The following DDX52 variants were observed in gnomAD, a reference collection of about 807,000 sequenced individuals.
DDX52 encodes the protein probable ATP-dependent RNA helicase DDX52.
DDX52 carries 59 observed loss-of-function variants against 76.1 expected under a neutral mutation model. The observed-to-expected ratio is 0.78, with a 90% confidence interval of 0.63 to 0.96. The LOEUF is 0.96. Among genes scored for constraint, DDX52 ranks in the 40% least tolerant of loss-of-function variants. The pLI is 0.00. For missense variants in DDX52, 707 were observed against 703.9 expected, an observed-to-expected ratio of 1.00 and a Z score of -0.05; for synonymous variants, 231 against 244.1, an observed-to-expected ratio of 0.95 and a Z score of 0.50.
chr17:37,634,670 A>C (rs1413110247), intron 2 of DDX52, among the ~76,000 whole-genome samples: 1 of 152,156 alleles, frequency 6.6e-6, no homozygotes, highest in Non-Finnish European at 1.5e-5. Flanking sequence ...CAATACTTTG[A>C]ACTACTCAGT....
intron 2 of DDX52, among the ~76,000 whole-genome samples, chr17:37,641,086 A>G (rs2031171992): frequency 6.6e-6 from 1 of 152,178 alleles, no homozygotes; most frequent in Non-Finnish European, 1.5e-5. Context: ...TGTCCAGTAA[A>G]GCATACAAAA....
At chr17:37,617,649 AAAG>A (rs1219675591) in intron 14 of DDX52, among the ~76,000 whole-genome samples, 5 of 152,256 alleles carry the variant, frequency 3.3e-5, no homozygotes, top group African/African-American at 1.2e-4. Flanking sequence ...ATGGAGCTTC[AAAG>A]AAGACTAGAT....
intron 14 of DDX52, 21 bp downstream of exon 14, chr17:37,618,271 T>C: frequency 6.4e-7 from 1 of 1,572,292 alleles, no homozygotes; most frequent in Non-Finnish European, 8.6e-7. Flanking sequence ...CAAACAGCCA[T>C]TTTTCTTACC....
At chr17:37,620,629 C>T (rs2030032363) in intron 12 of DDX52, 1 of 378,210 alleles carries the variant, frequency 2.6e-6, no homozygotes, top group Admixed American at 4.6e-5. Flanking sequence ...TGAAAGAGTC[C>T]TGAGTCTGAA....
In DDX52 at chr17:37,637,353, A is replaced by C. The variant is rs62073468; in HGVS notation, c.287-3935T>G. 4.7e-3 allele frequency among the ~76,000 whole-genome samples: 696 copies of C among 149,172 alleles called. 4 individuals carry two copies. The highest frequency in any genetic ancestry group is 5.2e-3 in the Non-Finnish European group (348 of 67,090). ...ACCATGTTGGCCAGGCTGGTTTCGA[A>C]CTCCTAACCTCAGGTGATCCACCCA... On this transcript the variant is annotated intron_variant, in intron 2 of 14. Coordinates refer to ENST00000617633, the MANE Select transcript of DDX52 (RefSeq NM_007010.5).
chr17:37,624,220 C>G lies in DDX52; in HGVS notation c.1227+124G>C, dbSNP rs1402179195. 1.4e-5 allele frequency: 8 copies of G among 587,786 alleles called. No individual in the cohort carries two copies. The East Asian group carries it at 2.3e-4, about 17-fold the overall frequency. The allele number at this position is 587,786 out of a possible 1,614,324, so 36.4% of individuals were successfully genotyped here. A position where few individuals can be genotyped will look rare whatever the true frequency, so the allele number is the denominator to read the frequency against. ...CACAATGTACTTTCTTATCAATTTA[C>G]CAATGGATTACTGAATACGAGCCAA... On this transcript the variant is annotated intron_variant, in intron 9 of 14. Coordinates refer to ENST00000617633, the MANE Select transcript of DDX52 (RefSeq NM_007010.5).
chr17:37,641,724 A>C (rs977132279), intron 2 of DDX52, among the ~76,000 whole-genome samples: 1 of 152,082 alleles, frequency 6.6e-6, no homozygotes, highest in Admixed American at 6.5e-5. Flanking sequence ...AGACAGAGTG[A>C]GACTCTGTCT....
chr17:37,638,765 T>C (rs554335964), intron 2 of DDX52, among the ~76,000 whole-genome samples: 2 of 122,466 alleles, frequency 1.6e-5, no homozygotes, highest in African/African-American at 3.5e-5. Flanking sequence ...GAAGTTGTTT[T>C]TTTTCTTTTT....
At chr17:37,638,801 G>GT (rs2031050960) in intron 2 of DDX52, among the ~76,000 whole-genome samples, 1 of 126,840 alleles carries the variant, frequency 7.9e-6, no homozygotes. Flanking sequence ...ACAGAGTCTT[G>GT]CTCTGTCACC....
intron 14 of DDX52, among the ~76,000 whole-genome samples, chr17:37,617,226 T>C (rs765234139): frequency 2.6e-5 from 4 of 152,224 alleles, no homozygotes; most frequent in East Asian, 1.9e-4. Flanking sequence ...ATGACTTCTA[T>C]AGAACAGATG....
intron 9 of DDX52, among the ~76,000 whole-genome samples, chr17:37,623,381 C>T (rs780841912): frequency 3.3e-5 from 5 of 152,034 alleles, no homozygotes; most frequent in Non-Finnish European, 5.9e-5. Flanking sequence ...GCCAAGATGA[C>T]GCCACCGCAC....
Position 37,610,435 on chromosome 17 carries a change from TTTTTTC to T in DDX52, c.*3855_*3860del, listed in dbSNP as rs1438587080. 17 of 152,188 alleles carry T rather than the reference TTTTTTC, an allele frequency of 1.1e-4. No individual in the cohort carries two copies. The East Asian group carries it at 3.3e-3, about 29-fold the overall frequency. The allele number at this position is 152,188 out of a possible 1,614,324, so 9.4% of individuals were successfully genotyped here. ...GCCACATGCCTGGGCTGTGATTTTT[TTTTTTC>T]TTTTAATCAAACTACTGTCTGGAAG... On this transcript the variant is annotated 3_prime_UTR_variant, in exon 15 of 15. Coordinates refer to ENST00000617633, the MANE Select transcript of DDX52 (RefSeq NM_007010.5).
intron 5 of DDX52, among the ~76,000 whole-genome samples, chr17:37,629,823 A>C (rs1260045827): frequency 6.6e-6 from 1 of 152,230 alleles, no homozygotes; most frequent in Non-Finnish European, 1.5e-5. Flanking sequence ...TGTAAATATT[A>C]AAATCACTGT....
chr17:37,616,335 G>A (rs988034967), intron 14 of DDX52, among the ~76,000 whole-genome samples: 2 of 152,092 alleles, frequency 1.3e-5, no homozygotes, highest in Non-Finnish European at 2.9e-5. Context: ...AGAAACTGTT[G>A]CGACAGAAAA....
intron 2 of DDX52, among the ~76,000 whole-genome samples, chr17:37,634,990 G>A (rs1236118528): frequency 2.0e-5 from 3 of 151,670 alleles, no homozygotes; most frequent in Admixed American, 6.6e-5. Flanking sequence ...TAGTAGAGAC[G>A]GGGTTTCACC....
rs2064399552 is a variant in DDX52 at position 37,614,265 on chromosome 17, A to G, written c.*31T>C. 6.2e-7 allele frequency: 1 copy of G among 1,601,600 alleles called. No individual in the cohort carries two copies. The highest frequency in any genetic ancestry group is 8.5e-7 in the Non-Finnish European group (1 of 1,173,100). ...ATTCATGCTGGGATCATAAAATTAC[A>G]TTTCTGGGACAGTATTTTTAAAGTC... On this transcript the variant is annotated 3_prime_UTR_variant, in exon 15 of 15. Transcript: ENST00000617633.
chr17:37,643,076 T>G (rs902207269), intron 1 of DDX52: 2 of 369,900 alleles, frequency 5.4e-6, no homozygotes, highest in Non-Finnish European at 9.6e-6. Context: ...CAACTTTGCT[T>G]TGAATAAGAG....
chr17:37,618,283 CA>C lies in DDX52; in HGVS notation c.1742+8del, dbSNP rs1169559912. 6.3e-7 allele frequency: 1 copy of C among 1,588,450 alleles called. No individual in the cohort carries two copies. The highest frequency in any genetic ancestry group is 1.9e-5 in the Admixed American group (1 of 53,368). ...TGTCAAACAGCCATTTTTCTTACCA[CA>C]TACTTACTGTTTATCCTTAGCTTTT... On this transcript the variant is annotated splice_region_variant and intron_variant, in intron 14 of 14. Coordinates refer to ENST00000617633, the MANE Select transcript of DDX52 (RefSeq NM_007010.5).
chr17:37,640,636 A>T (rs767791540), intron 2 of DDX52, among the ~76,000 whole-genome samples: 1 of 151,622 alleles, frequency 6.6e-6, no homozygotes, highest in Non-Finnish European at 1.5e-5. Context: ...TGACTAGGAA[A>T]CTTAATATTA....
Sources: gnomAD v4.1 joint callset for allele counts (sites outside exome capture counted in the v4.1 genomes callset) on GRCh38, gnomAD v4.1.1 for gene constraint, MANE v1.5 for transcripts, NCBI Gene and HGNC (gene_info 2026-07-23, HGNC 2026-07-21) for gene names.